The following KCNIP3 variants were observed in gnomAD, a reference collection of about 807,000 sequenced individuals.
KCNIP3 encodes calsenilin.
In KCNIP3, 28 loss-of-function variants were observed where a neutral mutation model predicts 35.0. That is an observed-to-expected ratio of 0.80 (90% confidence interval 0.59 to 1.10). The LOEUF (loss-of-function observed/expected upper bound fraction) is 1.10, where lower values mean the gene tolerates loss of function less well. KCNIP3 is among the 50% of genes least tolerant of loss of function. The pLI, the probability that KCNIP3 is intolerant of heterozygous loss-of-function variation, is 0.00. For missense variants in KCNIP3, 295 were observed against 338.4 expected (o/e 0.87, Z 1.01); for synonymous variants, 134 against 133.8 (o/e 1.00, Z -0.01).
intron 2 of KCNIP3, among the ~76,000 whole-genome samples, chr2:95,336,188 T>C (rs1214699889): frequency 6.6e-6 from 1 of 152,240 alleles, no homozygotes; most frequent in East Asian, 1.9e-4. Context: ...TCTCACTTTA[T>C]CTTACTTCAT....
At chr2:95,352,560 C>A (rs1307063297) in intron 2 of KCNIP3, among the ~76,000 whole-genome samples, 2 of 152,282 alleles carry the variant, frequency 1.3e-5, no homozygotes, top group Admixed American at 6.5e-5. Flanking sequence ...GCCTTCCCCC[C>A]AGCCCTCCCT....
At chr2:95,349,881 G>T (rs1221758281) in intron 2 of KCNIP3, among the ~76,000 whole-genome samples, 1 of 152,224 alleles carries the variant, frequency 6.6e-6, no homozygotes, top group Admixed American at 6.5e-5. Flanking sequence ...CCATCAAGGG[G>T]ATCTCATGTT....
chr2:95,336,344 T>A (rs1359280555), intron 2 of KCNIP3, among the ~76,000 whole-genome samples: 1 of 152,248 alleles, frequency 6.6e-6, no homozygotes, highest in East Asian at 1.9e-4. Flanking sequence ...AGACTCCGTA[T>A]CAGTCATAGT....
At chr2:95,339,638 A>G (rs1183557912) in intron 2 of KCNIP3, among the ~76,000 whole-genome samples, 1 of 152,084 alleles carries the variant, frequency 6.6e-6, no homozygotes, top group African/African-American at 2.4e-5. Context: ...AGGTGCTGTA[A>G]TAGTGAGACC....
chr2:95,351,504 G>C (rs1468023704), intron 2 of KCNIP3, among the ~76,000 whole-genome samples: 3 of 152,268 alleles, frequency 2.0e-5, no homozygotes, highest in Admixed American at 2.0e-4. Flanking sequence ...TGAGCACCTA[G>C]AAGGTGCAGT....
intron 2 of KCNIP3, among the ~76,000 whole-genome samples, chr2:95,356,065 G>A (rs1679650537): frequency 6.6e-6 from 1 of 152,198 alleles, no homozygotes; most frequent in Non-Finnish European, 1.5e-5. Flanking sequence ...GTATCTCATT[G>A]GGGTTTTGAT....
chr2:95,360,241 G>C (rs1288324457), intron 2 of KCNIP3, among the ~76,000 whole-genome samples: 1 of 151,288 alleles, frequency 6.6e-6, no homozygotes, highest in Non-Finnish European at 1.5e-5. Flanking sequence ...AAGCCACTGG[G>C]TGTGGACACA....
At chr2:95,335,850 C>T (rs1679048161) in intron 2 of KCNIP3, among the ~76,000 whole-genome samples, 2 of 152,146 alleles carry the variant, frequency 1.3e-5, no homozygotes, top group Admixed American at 1.3e-4. Flanking sequence ...CCCACATATC[C>T]TCCTTAAATT....
chr2:95,348,978 T>C (rs1047687753), intron 2 of KCNIP3, among the ~76,000 whole-genome samples: 1 of 152,152 alleles, frequency 6.6e-6, no homozygotes, highest in African/African-American at 2.4e-5. Flanking sequence ...GGATAATAAA[T>C]GTGCAGGCTT....
intron 2 of KCNIP3, among the ~76,000 whole-genome samples, chr2:95,329,714 C>T (rs1678879404): frequency 6.6e-6 from 1 of 152,250 alleles, no homozygotes; most frequent in Non-Finnish European, 1.5e-5. Context: ...GCATGGACCC[C>T]TGCGTCAGGT....
At chr2:95,326,104 T>C (rs933962856) in intron 2 of KCNIP3, among the ~76,000 whole-genome samples, 2 of 151,410 alleles carry the variant, frequency 1.3e-5, no homozygotes, top group East Asian at 2.0e-4. Context: ...TACACACATA[T>C]ACACATACAC....
chr2:95,315,619 T>G (rs1678435250), intron 2 of KCNIP3, among the ~76,000 whole-genome samples: 2 of 152,236 alleles, frequency 1.3e-5, no homozygotes, highest in African/African-American at 4.8e-5. Context: ...TCAGACAATG[T>G]GGGCAACACA....
intron 2 of KCNIP3, among the ~76,000 whole-genome samples, chr2:95,374,068 G>A (rs546108520): frequency 2.6e-5 from 4 of 152,360 alleles, no homozygotes; most frequent in African/African-American, 7.2e-5. Context: ...CAGGGGCTGC[G>A]ATGGGGAGGC....
chr2:95,297,679 G>A (rs1372744721), intron 1 of KCNIP3, among the ~76,000 whole-genome samples: 1 of 152,042 alleles, frequency 6.6e-6, no homozygotes, highest in Non-Finnish European at 1.5e-5. Context: ...GGCTGGTGTT[G>A]GGGTGTCCTG....
At chr2:95,310,686 T>C (rs1296442710) in intron 2 of KCNIP3, 166 bp downstream of exon 2, 8 of 728,338 alleles carry the variant, frequency 1.1e-5, no homozygotes, top group Admixed American at 2.3e-5. Context: ...TCCCCATTCA[T>C]TGAGTGCCTG....
chr2:95,345,488 A>G (rs1361441613), intron 2 of KCNIP3, among the ~76,000 whole-genome samples: 1 of 152,226 alleles, frequency 6.6e-6, no homozygotes, highest in Non-Finnish European at 1.5e-5. Context: ...TACGCTCAAC[A>G]TCAGCTGAAT....
intron 2 of KCNIP3, among the ~76,000 whole-genome samples, chr2:95,338,570 A>G (rs1286600420): frequency 6.6e-6 from 1 of 152,200 alleles, no homozygotes; most frequent in East Asian, 1.9e-4. Context: ...CCCAAACTAT[A>G]TCACATGGCC....
intron 2 of KCNIP3, among the ~76,000 whole-genome samples, chr2:95,330,246 T>A (rs79324912): frequency 6.6e-6 from 1 of 152,094 alleles, no homozygotes; most frequent in African/African-American, 2.4e-5. Context: ...TGATTCTGAA[T>A]GGGTCCCTGG....
At chr2:95,307,806 C>A (rs1239814877) in intron 1 of KCNIP3, among the ~76,000 whole-genome samples, 1 of 152,178 alleles carries the variant, frequency 6.6e-6, no homozygotes, top group African/African-American at 2.4e-5. Context: ...GCTCCGAGGC[C>A]GCCTCAGTTT....
Sources: allele counts gnomAD v4.1 joint callset (sites outside exome capture counted in the v4.1 genomes callset), GRCh38; gene constraint gnomAD v4.1.1; transcripts MANE v1.5; gene names NCBI Gene and HGNC (gene_info 2026-07-23, HGNC 2026-07-21).